Variants in STAT3 observed in about 807,000 individuals in gnomAD.
STAT3 encodes the protein signal transducer and activator of transcription 3.
Under a neutral mutation model 114.3 loss-of-function variants are expected in STAT3, and 7 were observed. The ratio of observed to expected loss-of-function variants is 0.06; its 90% CI spans 0.03 to 0.11. The LOEUF is 0.11. STAT3 is among the 10% of genes least tolerant of loss of function. The probability of loss-of-function intolerance (pLI) is 1.00; values close to 1 mark genes in which losing one functional copy is unlikely to be tolerated. For synonymous variants in STAT3, 331 were observed against 354.5 expected (o/e 0.93, Z 0.74); for missense variants, 364 against 960.9 (o/e 0.38, Z 8.21).
intron 8 of STAT3, among the ~76,000 whole-genome samples, chr17:42,335,648 T>C (rs978799781): frequency 8.5e-5 from 13 of 152,202 alleles, no homozygotes; most frequent in Non-Finnish European, 1.6e-4. Context: ...CCAGGTGCAG[T>C]GGCTGACACC....
chr17:42,383,623 C>T (rs2084924045), intron 1 of STAT3, among the ~76,000 whole-genome samples: 1 of 151,948 alleles, frequency 6.6e-6, no homozygotes, highest in Admixed American at 6.6e-5. Flanking sequence ...GCCAAGGTGT[C>T]TAACAAAGAG....
At chr17:42,316,616 G>A (rs1300623121) in intron 23 of STAT3, 173 bp downstream of exon 23, 4 of 1,500,894 alleles carry the variant, frequency 2.7e-6, no homozygotes, top group Non-Finnish European at 3.6e-6. Context: ...CAGTGTGGCT[G>A]CTAGAAGATT....
chr17:42,328,846 A>G (rs1034803241), intron 14 of STAT3, among the ~76,000 whole-genome samples: 2 of 152,238 alleles, frequency 1.3e-5, no homozygotes, highest in Admixed American at 6.5e-5. Context: ...TTTATTCTTG[A>G]CAATAAGAAT....
chr17:42,316,240 AGTTTT>A (rs758061552), intron 23 of STAT3: 1 of 404,494 alleles, frequency 2.5e-6, no homozygotes, highest in Non-Finnish European at 4.0e-6. Context: ...TTTTTAGTTT[AGTTTT>A]GTTTATTTGA....
intron 21 of STAT3, among the ~76,000 whole-genome samples, chr17:42,319,360 G>C (rs1211313308): frequency 2.6e-5 from 4 of 151,612 alleles, no homozygotes; most frequent in Non-Finnish European, 5.9e-5. Flanking sequence ...TGGCCAACAG[G>C]GTGAAACCCG....
At chr17:42,321,373 C>T (rs569868030) in intron 21 of STAT3, among the ~76,000 whole-genome samples, 33 of 152,174 alleles carry the variant, frequency 2.2e-4, no homozygotes, top group Admixed American at 1.5e-3. Flanking sequence ...GATCCTCCCG[C>T]CTGGGCCTCC....
intron 3 of STAT3, 88 bp downstream of exon 3, chr17:42,346,481 A>G: frequency 6.3e-7 from 1 of 1,584,534 alleles, no homozygotes; most frequent in Non-Finnish European, 8.6e-7. Flanking sequence ...TTACTTAGCC[A>G]AATGAGAAAA....
chr17:42,366,491 CA>C (rs1286552421), intron 1 of STAT3, among the ~76,000 whole-genome samples: 2 of 151,748 alleles, frequency 1.3e-5, no homozygotes, highest in Non-Finnish European at 2.9e-5. Context: ...GGCAACATGG[CA>C]AAACCCTGTC....
intron 4 of STAT3, among the ~76,000 whole-genome samples, chr17:42,340,074 C>T (rs1048733199): frequency 6.6e-6 from 1 of 151,922 alleles, no homozygotes; most frequent in South Asian, 2.1e-4. Flanking sequence ...ATTACAGGTT[C>T]GTGCCAGGTG....
intron 1 of STAT3, among the ~76,000 whole-genome samples, chr17:42,364,428 G>T (rs2083673135): frequency 6.6e-6 from 1 of 152,198 alleles, no homozygotes; most frequent in Non-Finnish European, 1.5e-5. Flanking sequence ...GAAGGGAGAA[G>T]AGCGAGTAGC....
intron 1 of STAT3, among the ~76,000 whole-genome samples, chr17:42,353,271 C>G (rs1483916611): frequency 6.6e-6 from 1 of 151,034 alleles, no homozygotes; most frequent in Non-Finnish European, 1.5e-5. Context: ...TTGCTTGAAC[C>G]CGGGAGGCGG....
At position 42,333,807 on chromosome 17, in the gene STAT3, C is replaced by T. The variant is rs758735280; in HGVS notation, c.957-42G>A. 2 of 1,614,154 alleles carry T rather than the reference C, an allele frequency of 1.2e-6. No individual in the cohort carries two copies. Among genetic ancestry groups the T allele is most frequent in the East Asian group, 2.2e-5 (1 of 44,886 alleles). On this transcript the variant is annotated intron_variant, in intron 9 of 23. Coordinates refer to ENST00000264657, the MANE Select transcript of STAT3 (RefSeq NM_139276.3). This position sits in a 1 kb window ranked among gnomAD's most constrained non-coding sequence, Gnocchi z 5.2. ...TGGGCTCACGCGCCACGGCCATGACCAGAAGTCAGCCCGCCTCTCACTCTA... is the reference window on the plus strand; with the variant it reads ...TGGGCTCACGCGCCACGGCCATGACTAGAAGTCAGCCCGCCTCTCACTCTA...
chr17:42,384,597 C>T (rs1466196622), intron 1 of STAT3, among the ~76,000 whole-genome samples: 6 of 151,816 alleles, frequency 4.0e-5, no homozygotes, highest in Non-Finnish European at 8.8e-5. Flanking sequence ...CTCTGTCACC[C>T]AGGCTGGAGT....
intron 1 of STAT3, among the ~76,000 whole-genome samples, chr17:42,366,811 C>T (rs1181304054): frequency 2.0e-5 from 3 of 152,080 alleles, no homozygotes; most frequent in African/African-American, 7.2e-5. Flanking sequence ...ATCCTTGTCC[C>T]TCTACCTTCT....
chr17:42,374,610 C>CAAAAAAAAAAAAAA (rs1260078348), intron 1 of STAT3, among the ~76,000 whole-genome samples: 1 of 120,932 alleles, frequency 8.3e-6, no homozygotes. Context: ...AACTCCATCT[C>CAAAAAAAAAAAAAA]AAAAAAAAAA....
chr17:42,340,435 G>A (rs2082396675), intron 4 of STAT3, among the ~76,000 whole-genome samples: 1 of 151,758 alleles, frequency 6.6e-6, no homozygotes, highest in South Asian at 2.1e-4. Context: ...GGGAAACCAA[G>A]GCAGGAGGAT....
chr17:42,387,127 T>C (rs2085148513), intron 1 of STAT3: 1 of 152,172 alleles, frequency 6.6e-6, no homozygotes, highest in Non-Finnish European at 1.5e-5. Flanking sequence ...AACCTTTAGT[T>C]GCACATACAG....
chr17:42,388,216 T>A, intron 1 of STAT3, 63 bp downstream of exon 1: 1 of 1,229,746 alleles, frequency 8.1e-7, no homozygotes, highest in East Asian at 3.2e-5. Flanking sequence ...AGAGGCCCCC[T>A]GCCGCTGCGG....
chr17:42,330,116 T>TTTTC (rs10657713), intron 11 of STAT3, among the ~76,000 whole-genome samples: 11,139 of 151,506 alleles, frequency 0.074, 1,390 homozygotes, highest in African/African-American at 0.26. Context: ...TTATCTTTTC[T>TTTTC]TTTTTCTTTT....
Sources: gnomAD v4.1 joint callset for allele counts (sites outside exome capture counted in the v4.1 genomes callset) on GRCh38, gnomAD v4.1.1 for gene constraint, Gnocchi (gnomAD v3.1) non-coding constraint, MANE v1.5 for transcripts, NCBI Gene and HGNC (gene_info 2026-07-23, HGNC 2026-07-21) for gene names.